The following CRPPA variants were observed in gnomAD, a reference collection of about 807,000 sequenced individuals.
The protein encoded by CRPPA is D-ribitol-5-phosphate cytidylyltransferase.
A neutral mutation model predicts 52.0 loss-of-function variants in CRPPA; 43 were observed. The ratio of observed to expected loss-of-function variants is 0.83; its 90% CI spans 0.65 to 1.07. CRPPA has a LOEUF of 1.07. CRPPA is among the 50% of genes least tolerant of loss of function. CRPPA has a pLI of 0.00. For synonymous variants in CRPPA, 250 were observed against 203.5 expected (o/e 1.23, Z -1.94); for missense variants, 629 against 551.7 (o/e 1.14, Z -1.40).
rs566873647 is a variant in CRPPA, at chr7:16,215,348, T to C, written c.1251+718A>G. On this transcript the variant is annotated intron_variant, in intron 9 of 9. Coordinates refer to ENST00000407010, the MANE Select transcript of CRPPA (RefSeq NM_001101426.4). ...AAGCTATCTATGCACAAAGGACAAATCCACAGATTCTCCAAATTTTTAACC... is the reference window on the plus strand; with the variant it reads ...AAGCTATCTATGCACAAAGGACAAACCCACAGATTCTCCAAATTTTTAACC... Among the ~76,000 whole-genome samples, 19 of 152,306 alleles carry C rather than the reference T, an allele frequency of 1.2e-4. No homozygotes were observed. The South Asian group carries it at 3.5e-3, about 28-fold the overall frequency.
intron 1 of CRPPA, among the ~76,000 whole-genome samples, chr7:16,407,517 T>TA (rs1787982733): frequency 6.6e-6 from 1 of 152,246 alleles, no homozygotes; most frequent in Non-Finnish European, 1.5e-5. Flanking sequence ...TATGAGATCC[T>TA]ATACTTTCAT....
At chr7:16,205,706 T>A (rs2128394698) in intron 9 of CRPPA, among the ~76,000 whole-genome samples, 1 of 152,166 alleles carries the variant, frequency 6.6e-6, no homozygotes, top group South Asian at 2.1e-4. Context: ...CAACTTCTTA[T>A]CTAGGGGCTT....
At chr7:16,304,467 C>A (rs1013434998) in intron 4 of CRPPA, among the ~76,000 whole-genome samples, 1 of 151,944 alleles carries the variant, frequency 6.6e-6, no homozygotes, top group Non-Finnish European at 1.5e-5. Context: ...ATAGTGACAC[C>A]CCGTCTCTAC....
At chr7:16,108,516 A>C (rs1202545405) in intron 9 of CRPPA, among the ~76,000 whole-genome samples, 2 of 151,936 alleles carry the variant, frequency 1.3e-5, no homozygotes, top group East Asian at 3.9e-4. Context: ...AGTAGGGGAC[A>C]ACAATATCCC....
rs1786874457 is a variant in CRPPA, at chr7:16,376,094, G to T, written c.682C>A (p.Gln228Lys). Residue 228 changes from glutamine to lysine, a missense_variant and splice_region_variant, in exon 3 of 10, where the codon CAG becomes AAG. Coordinates refer to ENST00000407010, the MANE Select transcript of CRPPA (RefSeq NM_001101426.4). The part of the protein sequence containing the change: ...LFDVIYEAYQ[Q>K]CSDYDLEFGT... ...ATTCAAAAAGCCCAAATTCTTACCTGCTGATATGCTTCATAAATCACATCA... is the reference window on the plus strand; with the variant it reads ...ATTCAAAAAGCCCAAATTCTTACCTTCTGATATGCTTCATAAATCACATCA... 1 of 1,578,944 alleles carries T rather than the reference G, an allele frequency of 6.3e-7. No homozygotes were observed. The highest frequency in any genetic ancestry group is 8.6e-7 in the Non-Finnish European group (1 of 1,163,178).
intron 2 of CRPPA, among the ~76,000 whole-genome samples, chr7:16,383,845 G>A (rs530592965): frequency 1.5e-4 from 23 of 152,290 alleles, no homozygotes; most frequent in East Asian, 3.9e-4. Flanking sequence ...TAAGCCCGTC[G>A]GAAAAGCGCA....
At chr7:16,150,775 A>T (rs1783062331) in intron 9 of CRPPA, among the ~76,000 whole-genome samples, 1 of 152,206 alleles carries the variant, frequency 6.6e-6, no homozygotes, top group South Asian at 2.1e-4. Context: ...GGGGCTGGGA[A>T]GTCCAGTACT....
intron 9 of CRPPA, among the ~76,000 whole-genome samples, chr7:16,199,994 A>T (rs1781815582): frequency 6.6e-6 from 1 of 150,840 alleles, no homozygotes; most frequent in African/African-American, 2.4e-5. Context: ...AGTAGCTGGG[A>T]TTAGAGACAG....
chr7:16,214,257 C>T (rs904169639), intron 9 of CRPPA, among the ~76,000 whole-genome samples: 1 of 152,082 alleles, frequency 6.6e-6, no homozygotes, highest in Non-Finnish European at 1.5e-5. Flanking sequence ...ATATATATAA[C>T]CTGGCAACAT....
chr7:16,386,568 A>G (rs1447812777), intron 2 of CRPPA, among the ~76,000 whole-genome samples: 4 of 152,216 alleles, frequency 2.6e-5, no homozygotes, highest in Non-Finnish European at 4.4e-5. Flanking sequence ...AGTCTATAAC[A>G]TATTGAACTG....
intron 1 of CRPPA, among the ~76,000 whole-genome samples, chr7:16,417,086 A>G (rs1330969737): frequency 6.6e-6 from 1 of 152,168 alleles, no homozygotes; most frequent in East Asian, 1.9e-4. Flanking sequence ...TCAAAACCAC[A>G]ATCAGATACC....
intron 3 of CRPPA, among the ~76,000 whole-genome samples, chr7:16,351,720 C>A (rs527920942): frequency 1.3e-5 from 2 of 152,282 alleles, no homozygotes; most frequent in South Asian, 4.1e-4. Context: ...GAGATACCAT[C>A]TCATGCCAGT....
chr7:16,137,295 G>C (rs551435922), intron 9 of CRPPA, among the ~76,000 whole-genome samples: 32 of 152,334 alleles, frequency 2.1e-4, no homozygotes, highest in Non-Finnish European at 3.5e-4. Context: ...GAACATGCCA[G>C]TGCTTGACCT....
chr7:16,329,274 C>G (rs1448203476), intron 3 of CRPPA, among the ~76,000 whole-genome samples: 1 of 152,176 alleles, frequency 6.6e-6, no homozygotes, highest in Non-Finnish European at 1.5e-5. Flanking sequence ...GCTAGCATTT[C>G]TACCTGTGCC....
chr7:16,179,439 A>G lies in CRPPA; in HGVS notation c.1251+36627T>C, dbSNP rs1034957. On this transcript the variant is annotated intron_variant, in intron 9 of 9. Coordinates refer to ENST00000407010, the MANE Select transcript of CRPPA (RefSeq NM_001101426.4). ...GAGAAGGTTATCCTGGATTATCTTT[A>G]TCTGAGTGGGGCCCAACATAATCAC... Among the ~76,000 whole-genome samples the G allele has an allele frequency of 5.4e-3, 820 of 152,200 alleles. 5 individuals are homozygous for G. Among genetic ancestry groups the G allele is most frequent in the African/African-American group, 0.018 (768 of 41,558 alleles).
rs1226352491 is a variant in CRPPA, at chr7:16,310,922, C to G, written c.685-2295G>C. On this transcript the variant is annotated intron_variant, in intron 3 of 9. Coordinates refer to ENST00000407010, the MANE Select transcript of CRPPA (RefSeq NM_001101426.4). ...TGATTTTAAACATAGAATTCTACTC[C>G]CAGGAGAGCTATCAAGTTTGAGGGC... Among the ~76,000 whole-genome samples, 3 of 152,046 alleles carry G rather than the reference C, an allele frequency of 2.0e-5. No individual in the cohort carries two copies. The East Asian group carries it at 5.8e-4, about 29-fold the overall frequency.
At chr7:16,325,383 G>A (rs537910542) in intron 3 of CRPPA, among the ~76,000 whole-genome samples, 10 of 152,228 alleles carry the variant, frequency 6.6e-5, no homozygotes, top group Admixed American at 2.0e-4. Flanking sequence ...AAATAACTCA[G>A]GTCTCAGCAA....
intron 4 of CRPPA, among the ~76,000 whole-genome samples, chr7:16,303,666 T>C (rs1268153003): frequency 1.3e-5 from 2 of 152,042 alleles, no homozygotes; most frequent in Non-Finnish European, 2.9e-5. Context: ...TTACCAATCA[T>C]ATACATATAG....
At chr7:16,154,330 C>T (rs112026746) in intron 9 of CRPPA, among the ~76,000 whole-genome samples, 37 of 152,164 alleles carry the variant, frequency 2.4e-4, no homozygotes, top group African/African-American at 8.2e-4. Context: ...GACCTGTCCT[C>T]TAAGTTCCCT....
Sources: allele counts gnomAD v4.1 joint callset (sites outside exome capture counted in the v4.1 genomes callset), GRCh38; gene constraint gnomAD v4.1.1; transcripts MANE v1.5; gene names NCBI Gene and HGNC (gene_info 2026-07-23, HGNC 2026-07-21).